PARD3: variants seen among roughly 807,000 people sequenced by gnomAD.
PARD3 encodes par-3 family cell polarity regulator.
A neutral mutation model predicts 155.4 loss-of-function variants in PARD3; 75 were observed. The observed-to-expected ratio is 0.48, with a 90% CI of 0.40 to 0.58. The LOEUF (loss-of-function observed/expected upper bound fraction) is 0.58, where lower values mean the gene tolerates loss of function less well. Among genes scored for constraint, PARD3 ranks in the 20% least tolerant of loss-of-function variants. The pLI is 0.00. For missense variants in PARD3, 1,642 were observed against 1,721.7 expected (o/e 0.95, Z 0.82); for synonymous variants, 576 against 610.5 (o/e 0.94, Z 0.83).
At chr10:34,475,337 GC>G (rs2078638920) in intron 3 of PARD3, among the ~76,000 whole-genome samples, 1 of 152,160 alleles carries the variant, frequency 6.6e-6, no homozygotes, top group Non-Finnish European at 1.5e-5. Flanking sequence ...TCTCATATCT[GC>G]TTCTGCATTC....
chr10:34,330,682 TA>T (rs1564593368), intron 19 of PARD3, among the ~76,000 whole-genome samples: 1 of 152,148 alleles, frequency 6.6e-6, no homozygotes, highest in Non-Finnish European at 1.5e-5. Flanking sequence ...TAGCAACATG[TA>T]CTGAATTAAA....
At chr10:34,345,335 C>T (rs1837296251) in intron 15 of PARD3, 1 of 985,380 alleles carries the variant, frequency 1.0e-6, no homozygotes, top group Non-Finnish European at 1.2e-6. Flanking sequence ...AGCCTCAAAG[C>T]TCCGTTTAGC....
chr10:34,370,537 G>A (rs1036950171), intron 12 of PARD3, among the ~76,000 whole-genome samples: 1 of 152,012 alleles, frequency 6.6e-6, no homozygotes, highest in Non-Finnish European at 1.5e-5. Flanking sequence ...AAAGTGCTAG[G>A]ATTACAGGTG....
intron 1 of PARD3, among the ~76,000 whole-genome samples, chr10:34,708,546 G>A (rs2094402700): frequency 6.6e-6 from 1 of 152,090 alleles, no homozygotes; most frequent in South Asian, 2.1e-4. Flanking sequence ...AAATGGTTCA[G>A]GACAAAAAAA....
chr10:34,335,037 G>T lies in PARD3; in HGVS notation c.2605+1162C>A, dbSNP rs193288145. Among the ~76,000 whole-genome samples, 20 of 151,928 alleles carry T rather than the reference G, an allele frequency of 1.3e-4. No homozygotes were observed. In the East Asian group the frequency reaches 3.3e-3, roughly 25 times the overall value. On this transcript the variant is annotated intron_variant, in intron 18 of 24. Coordinates refer to ENST00000374788, the MANE Select transcript of PARD3 (RefSeq NM_001184785.2). Reference sequence around the variant, plus strand: ...TTTATGACTGTTTACTTGGATCGGGGTTATTGCTTATACTGCTAACTGTAA... The same window carrying T: ...TTTATGACTGTTTACTTGGATCGGGTTTATTGCTTATACTGCTAACTGTAA...
chr10:34,227,960 C>T (rs892651914), intron 22 of PARD3, among the ~76,000 whole-genome samples: 5 of 149,092 alleles, frequency 3.4e-5, no homozygotes, highest in East Asian at 3.9e-4. Flanking sequence ...GACACATGCA[C>T]GCCTATGTTT....
intron 3 of PARD3, among the ~76,000 whole-genome samples, chr10:34,513,551 G>T (rs1298074625): frequency 6.6e-6 from 1 of 152,166 alleles, no homozygotes; most frequent in Non-Finnish European, 1.5e-5. Context: ...AAAGTGCTGG[G>T]ATTACAGGTG....
At chr10:34,470,633 G>T (rs75605836) in intron 3 of PARD3, among the ~76,000 whole-genome samples, 3,890 of 152,068 alleles carry the variant, frequency 0.026, 169 homozygotes, top group African/African-American at 0.089. Flanking sequence ...AATATAAAGG[G>T]GTTAAACAGT....
chr10:34,279,141 CTTTTTTTTTTT>C lies in PARD3; in HGVS notation c.3176+4983_3176+4993del, dbSNP rs143467605. Among the ~76,000 whole-genome samples the C allele has an allele frequency of 1.3e-4, 13 of 102,038 alleles. No homozygotes were observed. The Admixed American group carries it at 1.5e-3, about 12-fold the overall frequency. The allele number at this position is 102,038 out of a possible 152,430, so 66.9% of individuals were successfully genotyped here. A position where few individuals can be genotyped will look rare whatever the true frequency, so the allele number is the denominator to read the frequency against. ...CTCAAGTATTCATCTATATTTTTTC[CTTTTTTTTTTT>C]TTTTTTTTTTTAGAGACAAGCTCTC... On this transcript the variant is annotated intron_variant, in intron 21 of 24. Transcript: ENST00000374788.
chr10:34,177,951 A>C (rs1360849555), intron 22 of PARD3, among the ~76,000 whole-genome samples: 1 of 152,204 alleles, frequency 6.6e-6, no homozygotes, highest in Non-Finnish European at 1.5e-5. Flanking sequence ...AGTTATTGAC[A>C]CAAATTACTA....
At chr10:34,379,130 G>GA (rs1841563800) in intron 9 of PARD3, among the ~76,000 whole-genome samples, 1 of 151,980 alleles carries the variant, frequency 6.6e-6, no homozygotes, top group Admixed American at 6.6e-5. Flanking sequence ...ATTATGGGAA[G>GA]AATAAAGAGA....
chr10:34,738,483 G>A (rs529678713), intron 1 of PARD3, among the ~76,000 whole-genome samples: 1 of 151,236 alleles, frequency 6.6e-6, no homozygotes, highest in East Asian at 2.0e-4. Context: ...CATGGCCTCA[G>A]AATCCCATTT....
At chr10:34,742,750 T>A (rs1400142558) in intron 1 of PARD3, among the ~76,000 whole-genome samples, 1 of 152,230 alleles carries the variant, frequency 6.6e-6, no homozygotes, top group Non-Finnish European at 1.5e-5. Flanking sequence ...TAATTTTGCA[T>A]TGTTTGCAAT....
At chr10:34,534,135 G>A (rs751401693) in intron 2 of PARD3, among the ~76,000 whole-genome samples, 5 of 151,168 alleles carry the variant, frequency 3.3e-5, no homozygotes, top group Non-Finnish European at 5.9e-5. Context: ...GCATGGTGGC[G>A]GGCGCCTGTA....
intron 2 of PARD3, among the ~76,000 whole-genome samples, chr10:34,564,268 TA>T (rs1245345625): frequency 2.6e-5 from 4 of 152,248 alleles, no homozygotes; most frequent in Non-Finnish European, 5.9e-5. Flanking sequence ...GTTAGCCTTT[TA>T]ATTTATACAT....
intron 2 of PARD3, among the ~76,000 whole-genome samples, chr10:34,636,764 C>A (rs932797638): frequency 3.9e-5 from 6 of 152,158 alleles, no homozygotes; most frequent in Non-Finnish European, 1.5e-5. Flanking sequence ...GGCGAGGAGG[C>A]CCACAGGAAA....
intron 22 of PARD3, among the ~76,000 whole-genome samples, chr10:34,261,805 G>C (rs1278036341): frequency 8.3e-5 from 12 of 144,352 alleles, no homozygotes; most frequent in African/African-American, 2.8e-4. Flanking sequence ...AAGAAAGAAA[G>C]AAAGAAAGAA....
At chr10:34,664,143 T>C (rs1287007092) in intron 2 of PARD3, 5 of 152,120 alleles carry the variant, frequency 3.3e-5, no homozygotes, top group Admixed American at 6.5e-5. Flanking sequence ...GAGGTGGGAG[T>C]TCTTTTTAAT....
At chr10:34,435,237 T>C (rs981785650) in intron 5 of PARD3, among the ~76,000 whole-genome samples, 5 of 152,184 alleles carry the variant, frequency 3.3e-5, no homozygotes, top group Non-Finnish European at 7.3e-5. Context: ...GTACTTTTGT[T>C]GTAATTGCAG....
Sources: gnomAD v4.1 joint callset for allele counts (sites outside exome capture counted in the v4.1 genomes callset) on GRCh38, gnomAD v4.1.1 for gene constraint, MANE v1.5 for transcripts, NCBI Gene and HGNC (gene_info 2026-07-23, HGNC 2026-07-21) for gene names.